ELMOD2: variants seen among roughly 807,000 people sequenced by gnomAD.
The protein encoded by ELMOD2 is ELMO domain-containing protein 2.
ELMOD2 carries 28 observed loss-of-function variants against 41.0 expected under a neutral mutation model. That is an observed-to-expected ratio of 0.68 (90% CI 0.51 to 0.94). The LOEUF is 0.94. ELMOD2 is among the 40% of genes least tolerant of loss of function. ELMOD2 has a pLI of 0.00. For missense variants in ELMOD2, 333 were observed against 343.1 expected (o/e 0.97, Z 0.23); for synonymous variants, 106 against 107.2 (o/e 0.99, Z 0.07).
chr4:140,524,364 T>A (rs1438446504), intron 1 of ELMOD2, 84 bp downstream of exon 1: 1 of 150,166 alleles, frequency 6.7e-6, no homozygotes, highest in East Asian at 2.0e-4. Flanking sequence ...CCCCGCGGGG[T>A]TCTGCGGGAA....
At chr4:140,535,617 C>A in intron 3 of ELMOD2, 116 bp from the exon 4 acceptor site, 1 of 835,696 alleles carries the variant, frequency 1.2e-6, no homozygotes, top group Non-Finnish European at 1.9e-6. Context: ...TTGAAACAAA[C>A]TGGGTTTATT....
intron 5 of ELMOD2, among the ~76,000 whole-genome samples, chr4:140,537,996 T>C (rs533261789): frequency 4.2e-4 from 64 of 152,242 alleles, no homozygotes; most frequent in African/African-American, 1.5e-3. Context: ...TTTTGGGACT[T>C]ATGGAATGTT....
chr4:140,543,218 T>C (rs896596148), intron 7 of ELMOD2, among the ~76,000 whole-genome samples: 2 of 151,998 alleles, frequency 1.3e-5, no homozygotes, highest in Non-Finnish European at 2.9e-5. Context: ...GTTTTAGATA[T>C]CATGTGAACA....
chr4:140,543,492 G>A lies in ELMOD2; in HGVS notation c.642G>A (p.Met214Ile), dbSNP rs1276999033. 6.2e-7 allele frequency: 1 copy of A among 1,603,820 alleles called. No homozygotes were observed. Among genetic ancestry groups the A allele is most frequent in the Admixed American group, 1.8e-5 (1 of 57,052 alleles). The change falls in exon 8 of 9, where the codon ATG becomes ATA. Residue 214 changes from methionine (M) to isoleucine (I), a missense_variant. Physicochemically the swap from Met to Ile is conservative, Grantham distance 10 (BLOSUM62 1). Transcript: ENST00000323570. The part of the protein sequence containing the change: ...YAIVGINLTE[M>I]AYSLLKSEAL... Reference sequence around the variant, plus strand: ...TAGTTGGAATCAATCTTACAGAGATGGCTTATAGCTTACTGAAGAGTGAAG... The same window carrying A: ...TAGTTGGAATCAATCTTACAGAGATAGCTTATAGCTTACTGAAGAGTGAAG...
chr4:140,546,561 TAAG>T (rs745481674), intron 8 of ELMOD2, among the ~76,000 whole-genome samples: 4 of 144,404 alleles, frequency 2.8e-5, no homozygotes, highest in Non-Finnish European at 6.1e-5. Flanking sequence ...TAGCTACAAA[TAAG>T]AAAACTAAAG....
intron 6 of ELMOD2, among the ~76,000 whole-genome samples, chr4:140,542,227 G>T (rs755798228): frequency 1.3e-4 from 19 of 151,112 alleles, no homozygotes; most frequent in Non-Finnish European, 2.5e-4. Context: ...AAGGAAGAGT[G>T]TCCTAACAGG....
chr4:140,532,605 A>G (rs1734787233), intron 3 of ELMOD2, among the ~76,000 whole-genome samples: 1 of 152,192 alleles, frequency 6.6e-6, no homozygotes, highest in South Asian at 2.1e-4. Context: ...AAAAATCTCA[A>G]CTAGGCATAG....
At chr4:140,535,133 TTCTTTCTCTCTCTCTC>T (rs1734873200) in intron 3 of ELMOD2, among the ~76,000 whole-genome samples, 3 of 74,404 alleles carry the variant, frequency 4.0e-5, no homozygotes, top group Middle Eastern at 7.1e-3. Context: ...GGAAATCTGT[TTCTTTCTCTCTCTCTC>T]TCTCTCTCTC....
chr4:140,536,845 A>G (rs1477430645), intron 4 of ELMOD2, among the ~76,000 whole-genome samples: 4 of 152,094 alleles, frequency 2.6e-5, no homozygotes, highest in African/African-American at 9.7e-5. Flanking sequence ...AAAGAGTGCT[A>G]TGAGGATTGC....
chr4:140,536,717 T>C (rs141074620), intron 4 of ELMOD2, among the ~76,000 whole-genome samples: 12 of 152,270 alleles, frequency 7.9e-5, no homozygotes, highest in Non-Finnish European at 1.3e-4. Context: ...TTTTTAGATA[T>C]GTATTTTAGG....
intron 3 of ELMOD2, among the ~76,000 whole-genome samples, chr4:140,533,139 G>A (rs1224775664): frequency 6.6e-6 from 1 of 152,162 alleles, no homozygotes; most frequent in South Asian, 2.1e-4. Context: ...GTATTAAGAT[G>A]TTATTTCCCA....
intron 2 of ELMOD2, chr4:140,526,835 A>G (rs1171026969): frequency 6.6e-6 from 1 of 152,412 alleles, no homozygotes; most frequent in African/African-American, 2.4e-5. Flanking sequence ...GGAAGAATAT[A>G]TATAAAGGCA....
intron 8 of ELMOD2, among the ~76,000 whole-genome samples, chr4:140,545,264 T>A (rs935183943): frequency 6.6e-6 from 1 of 152,118 alleles, no homozygotes; most frequent in African/African-American, 2.4e-5. Flanking sequence ...GATGCCACAT[T>A]CTCCTGGCTT....
At chr4:140,544,604 C>G (rs1168899530) in intron 8 of ELMOD2, among the ~76,000 whole-genome samples, 2 of 152,160 alleles carry the variant, frequency 1.3e-5, no homozygotes, top group South Asian at 4.1e-4. Context: ...CCTGCATAAT[C>G]TGAACCTTGG....
chr4:140,548,200 G>C (rs1735353716), intron 8 of ELMOD2, among the ~76,000 whole-genome samples: 2 of 152,076 alleles, frequency 1.3e-5, no homozygotes. Context: ...ACATAAGAAT[G>C]GTAAATATCT....
chr4:140,548,519 G>A (rs1735364219), intron 8 of ELMOD2, among the ~76,000 whole-genome samples: 1 of 152,100 alleles, frequency 6.6e-6, no homozygotes. Context: ...AACCATTAAT[G>A]TTTGCTGTAT....
intron 6 of ELMOD2, among the ~76,000 whole-genome samples, chr4:140,541,997 T>G (rs1735118895): frequency 6.6e-6 from 1 of 152,044 alleles, no homozygotes; most frequent in Non-Finnish European, 1.5e-5. Flanking sequence ...TAAATAGATT[T>G]GGTGTAGGCC....
chr4:140,550,264 TGAA>T lies in ELMOD2; in HGVS notation c.778_780del (p.Glu260del). Reference sequence around the variant, plus strand: ...TCTATGAATTTGACAAGTTTTGGTTTGAAGAAGAACCAGAAAGCATTATGTATT... The same window carrying T: ...TCTATGAATTTGACAAGTTTTGGTTTGAAGAACCAGAAAGCATTATGTATT... On this transcript the variant is annotated inframe_deletion, in exon 9 of 9. Transcript: ENST00000323570. The T allele has an allele frequency of 6.2e-7, 1 of 1,610,834 alleles. No individual in the cohort carries two copies. Among genetic ancestry groups the T allele is most frequent in the Non-Finnish European group, 8.5e-7 (1 of 1,178,478 alleles).
At chr4:140,531,686 C>G (rs1200176451) in intron 3 of ELMOD2, among the ~76,000 whole-genome samples, 2 of 152,124 alleles carry the variant, frequency 1.3e-5, no homozygotes, top group African/African-American at 4.8e-5. Flanking sequence ...ATTTTTGGGC[C>G]TCTACTTTTC....
Sources: allele counts gnomAD v4.1 joint callset (sites outside exome capture counted in the v4.1 genomes callset), GRCh38; gene constraint gnomAD v4.1.1; transcripts MANE v1.5; gene names NCBI Gene and HGNC (gene_info 2026-07-23, HGNC 2026-07-21).